MRGPRX3: variants seen among roughly 807,000 people sequenced by gnomAD.
MRGPRX3 encodes mas-related G protein-coupled receptor member X3.
Under a neutral mutation model 16.5 loss-of-function variants are expected in MRGPRX3, and 14 were observed. The ratio of observed to expected loss-of-function variants is 0.85; its 90% CI spans 0.56 to 1.33. The LOEUF (loss-of-function observed/expected upper bound fraction) is 1.33. Among genes scored for constraint, MRGPRX3 ranks in the 40% most tolerant of loss-of-function variants. The pLI is 0.00. For synonymous variants in MRGPRX3, 199 were observed against 180.1 expected, an observed-to-expected ratio of 1.10 and a Z score of -0.84; for missense variants, 449 against 413.0, an observed-to-expected ratio of 1.09 and a Z score of -0.76.
upstream of MRGPRX3, among the ~76,000 whole-genome samples, chr11:18,132,104 G>T (rs916062273): frequency 6.6e-6 from 1 of 152,176 alleles, no homozygotes; most frequent in African/African-American, 2.4e-5. Context: ...ATTTAAAAAA[G>T]TTCACTGTTC....
intron 1 of MRGPRX3, among the ~76,000 whole-genome samples, chr11:18,125,197 A>C (rs56190777): frequency 6.6e-6 from 1 of 150,874 alleles, no homozygotes; most frequent in East Asian, 2.0e-4. Flanking sequence ...CTTCAGTTCT[A>C]CTCTGATCTT....
intron 1 of MRGPRX3, among the ~76,000 whole-genome samples, chr11:18,136,741 G>A (rs1046788573): frequency 2.6e-5 from 4 of 152,150 alleles, no homozygotes; most frequent in African/African-American, 9.7e-5. Context: ...ACACATCCTA[G>A]CGAAGATCCC....
chr11:18,123,438 A>C (rs1187768773), intron 1 of MRGPRX3, among the ~76,000 whole-genome samples: 1 of 152,234 alleles, frequency 6.6e-6, no homozygotes, highest in Non-Finnish European at 1.5e-5. Flanking sequence ...CATTTATTAA[A>C]TAGGGAATCC....
intron 1 of MRGPRX3, among the ~76,000 whole-genome samples, chr11:18,121,513 T>C (rs1422105166): frequency 6.6e-6 from 1 of 152,204 alleles, no homozygotes; most frequent in Non-Finnish European, 1.5e-5. Context: ...CAACAGCTCA[T>C]TGAGAACGGG....
chr11:18,123,682 C>T (rs978588745), intron 1 of MRGPRX3, among the ~76,000 whole-genome samples: 1 of 151,642 alleles, frequency 6.6e-6, no homozygotes, highest in African/African-American at 2.4e-5. Flanking sequence ...CTCTTTTTTG[C>T]TTCCATATGA....
At chr11:18,135,419 G>A (rs187081610) in intron 1 of MRGPRX3, among the ~76,000 whole-genome samples, 2 of 152,250 alleles carry the variant, frequency 1.3e-5, no homozygotes, top group African/African-American at 4.8e-5. Flanking sequence ...AGCTGTGGCA[G>A]CTTGTCTCCC....
upstream of MRGPRX3, among the ~76,000 whole-genome samples, chr11:18,128,878 T>C (rs964545820): frequency 2.6e-5 from 4 of 152,234 alleles, no homozygotes; most frequent in Non-Finnish European, 5.9e-5. Flanking sequence ...TTGCTCACGC[T>C]GGGAGCTGTA....
At chr11:18,125,711 G>C (rs1158247864) in intron 1 of MRGPRX3, among the ~76,000 whole-genome samples, 7 of 152,134 alleles carry the variant, frequency 4.6e-5, no homozygotes, top group Non-Finnish European at 7.4e-5. Context: ...GGTCCGCTTG[G>C]TTCAGAGCTG....
At chr11:18,127,107 C>G (rs951658860) in intron 1 of MRGPRX3, among the ~76,000 whole-genome samples, 1 of 152,236 alleles carries the variant, frequency 6.6e-6, no homozygotes, top group African/African-American at 2.4e-5. Flanking sequence ...CCCCCACTCT[C>G]TTCTGGCTTG....
intron 1 of MRGPRX3, among the ~76,000 whole-genome samples, chr11:18,121,440 C>G (rs989858097): frequency 6.6e-6 from 1 of 152,106 alleles, no homozygotes; most frequent in Non-Finnish European, 1.5e-5. Flanking sequence ...CACGCTCCGA[C>G]CGGGAGGGAG....
rs551318965 is a variant in MRGPRX3 at position 18,138,095 on chromosome 11, C to T, written c.893C>T (p.Thr298Met). 10 of 1,614,038 alleles carry T rather than the reference C, an allele frequency of 6.2e-6. No individual in the cohort carries two copies. Among genetic ancestry groups the T allele is most frequent in the East Asian group, 4.5e-5 (2 of 44,894 alleles). ...GTTCTCCAGAGGGCTCTGCAGGACA[C>T]GCCTGAGGTGGATGAAGGTGGAGGG... ...KLVLQRALQDTPEVDEGGGWL... is the reference protein window; with the variant it reads ...KLVLQRALQDMPEVDEGGGWL... The change falls in exon 2 of 2, where the codon ACG becomes ATG. Residue 298 changes from threonine to methionine, a missense_variant. Thr to Met is a moderately conservative substitution (Grantham distance 81). Transcript: ENST00000621697.
upstream of MRGPRX3, among the ~76,000 whole-genome samples, chr11:18,131,234 A>G (rs1848958118): frequency 6.6e-6 from 1 of 152,238 alleles, no homozygotes; most frequent in Admixed American, 6.5e-5. Context: ...AATCATTAGC[A>G]GAGCAAACAG....
At chr11:18,123,227 A>G (rs1564878909) in intron 1 of MRGPRX3, among the ~76,000 whole-genome samples, 1 of 152,012 alleles carries the variant, frequency 6.6e-6, no homozygotes, top group Non-Finnish European at 1.5e-5. Flanking sequence ...TTTTGTTGCC[A>G]TTGCTTTTGG....
At chr11:18,133,508 AAC>A (rs891260980) in intron 1 of MRGPRX3, among the ~76,000 whole-genome samples, 34 of 152,252 alleles carry the variant, frequency 2.2e-4, no homozygotes, top group African/African-American at 7.5e-4. Flanking sequence ...TGAATGTTTT[AAC>A]ACCATCCCCC....
intron 1 of MRGPRX3, among the ~76,000 whole-genome samples, chr11:18,122,365 G>GTGGGATGTTCCC (rs1161753770): frequency 6.6e-6 from 1 of 152,188 alleles, no homozygotes; most frequent in African/African-American, 2.4e-5. Flanking sequence ...AGGCCCCAGG[G>GTGGGATGTTCCC]TGGGATGTTC....
intron 1 of MRGPRX3, among the ~76,000 whole-genome samples, chr11:18,133,190 C>T (rs1487302809): frequency 1.3e-5 from 2 of 152,164 alleles, no homozygotes; most frequent in African/African-American, 4.8e-5. Context: ...AAAGTATTTA[C>T]AAAGATGCAC....
Position 18,138,291 on chromosome 11 carries a change from T to C in MRGPRX3, c.*120T>C. 6.8e-7 allele frequency: 1 copy of C among 1,463,858 alleles called. No homozygotes were observed. Among genetic ancestry groups the C allele is most frequent in the Non-Finnish European group, 9.2e-7 (1 of 1,091,038 alleles). The allele number at this position is 1,463,858 out of a possible 1,614,324, so 90.7% of individuals were successfully genotyped here. A position where few individuals can be genotyped will look rare whatever the true frequency, so the allele number is the denominator to read the frequency against. ...GAAATGTCTCAGTGGTCCCTCAAGGTCTTCGAATAGATGTTTATCTAACCT... is the reference window on the plus strand; with the variant it reads ...GAAATGTCTCAGTGGTCCCTCAAGGCCTTCGAATAGATGTTTATCTAACCT... On this transcript the variant is annotated 3_prime_UTR_variant, in exon 2 of 2. Coordinates refer to ENST00000621697, the MANE Select transcript of MRGPRX3 (RefSeq NM_001370464.1).
intron 1 of MRGPRX3, among the ~76,000 whole-genome samples, chr11:18,126,395 A>G (rs1183511939): frequency 1.3e-5 from 2 of 152,162 alleles, no homozygotes; most frequent in African/African-American, 4.8e-5. Context: ...TGGTGGTGCC[A>G]AAATCTCTCA....
chr11:18,133,013 A>G (rs1848976864), intron 1 of MRGPRX3, among the ~76,000 whole-genome samples: 1 of 152,176 alleles, frequency 6.6e-6, no homozygotes, highest in Admixed American at 6.5e-5. Flanking sequence ...TGCCTCTTAC[A>G]TTCATTTAAC....
Sources: allele counts gnomAD v4.1 joint callset (sites outside exome capture counted in the v4.1 genomes callset), GRCh38; gene constraint gnomAD v4.1.1; transcripts MANE v1.5; gene names NCBI Gene and HGNC (gene_info 2026-07-23, HGNC 2026-07-21).